CNTN5: variants seen among roughly 807,000 people sequenced by gnomAD.
CNTN5 encodes the protein contactin 5, also known as contactin-5.
Under a neutral mutation model 129.1 loss-of-function variants are expected in CNTN5, and 77 were observed. The observed-to-expected ratio is 0.60, with a 90% CI of 0.50 to 0.72. CNTN5 has a LOEUF of 0.72. Ranked by LOEUF, CNTN5 falls within the 30% of genes least tolerant of loss-of-function variation. CNTN5 has a pLI of 0.00. For synonymous variants in CNTN5, 509 were observed against 465.6 expected (o/e 1.09, Z -1.20); for missense variants, 1,478 against 1,328.8 (o/e 1.11, Z -1.75).
chr11:99,170,706 A>G (rs1188812578), intron 1 of CNTN5, among the ~76,000 whole-genome samples: 2 of 152,200 alleles, frequency 1.3e-5, no homozygotes, highest in African/African-American at 2.4e-5. Flanking sequence ...GTGATTAAGT[A>G]AGGCTGAGGA....
chr11:100,051,617 G>T (rs544681547), intron 9 of CNTN5, among the ~76,000 whole-genome samples: 2 of 151,958 alleles, frequency 1.3e-5, no homozygotes, highest in South Asian at 4.1e-4. Context: ...GAAAGATTAA[G>T]TAGTAGATAT....
chr11:99,788,189 C>T (rs1188873562), intron 3 of CNTN5, among the ~76,000 whole-genome samples: 2 of 151,802 alleles, frequency 1.3e-5, no homozygotes, highest in South Asian at 2.1e-4. Flanking sequence ...GTGATGTTAC[C>T]TATTTTTAGT....
rs549716256 is a variant in CNTN5 at position 99,178,954 on chromosome 11, A to T, written c.-209-146392A>T. On this transcript the variant is annotated intron_variant, in intron 1 of 24. Transcript: ENST00000524871. ...TGATGTTATTTAAATAGAAACAACT[A>T]TGGGGACAGGGTTATAAACATAAAT... Among the ~76,000 whole-genome samples the T allele has an allele frequency of 4.6e-5, 7 of 152,270 alleles. 1 individual carries two copies. In the South Asian group the frequency reaches 1.4e-3, roughly 32 times the overall value.
At chr11:99,141,024 A>G (rs1412336518) in intron 1 of CNTN5, among the ~76,000 whole-genome samples, 1 of 152,052 alleles carries the variant, frequency 6.6e-6, no homozygotes, top group African/African-American at 2.4e-5. Context: ...TGAATTAGGG[A>G]GGAGTCCATC....
chr11:99,271,951 C>A (rs555018849), intron 1 of CNTN5, among the ~76,000 whole-genome samples: 3 of 151,966 alleles, frequency 2.0e-5, no homozygotes, highest in Admixed American at 6.6e-5. Flanking sequence ...AAGAAATGCA[C>A]CACAATCAAA....
intron 3 of CNTN5, among the ~76,000 whole-genome samples, chr11:99,717,876 G>T (rs1210553008): frequency 6.6e-6 from 1 of 152,048 alleles, no homozygotes; most frequent in Non-Finnish European, 1.5e-5. Context: ...ATTATTCAAA[G>T]AAGATTATAG....
intron 1 of CNTN5, among the ~76,000 whole-genome samples, chr11:99,178,985 CAG>C (rs1857915647): frequency 6.6e-6 from 1 of 151,996 alleles, no homozygotes; most frequent in African/African-American, 2.4e-5. Flanking sequence ...TAAATACACA[CAG>C]AGATATACAC....
At chr11:100,138,105 A>G (rs1158175147) in intron 13 of CNTN5, among the ~76,000 whole-genome samples, 1 of 152,130 alleles carries the variant, frequency 6.6e-6, no homozygotes, top group Non-Finnish European at 1.5e-5. Context: ...TTAGGGTGCC[A>G]CTCATTAAGA....
intron 9 of CNTN5, among the ~76,000 whole-genome samples, chr11:100,022,298 AC>A (rs1009642505): frequency 6.6e-6 from 1 of 152,182 alleles, no homozygotes; most frequent in Non-Finnish European, 1.5e-5. Flanking sequence ...GTTGGGTCTT[AC>A]TTTTTAAACC....
chr11:100,259,718 G>A (rs1181959986), intron 17 of CNTN5, among the ~76,000 whole-genome samples: 1 of 151,820 alleles, frequency 6.6e-6, no homozygotes, highest in Non-Finnish European at 1.5e-5. Context: ...TGAAATTAAG[G>A]CAGAAATAAA....
chr11:100,267,253 C>CCACACACA (rs113458728), intron 17 of CNTN5, among the ~76,000 whole-genome samples: 2,670 of 143,780 alleles, frequency 0.019, 39 homozygotes, highest in African/African-American at 0.036. Flanking sequence ...CATGAATCAA[C>CCACACACA]CACACACACA....
chr11:100,195,204 C>T (rs578141311), intron 15 of CNTN5, among the ~76,000 whole-genome samples: 8 of 152,018 alleles, frequency 5.3e-5, no homozygotes, highest in Non-Finnish European at 1.2e-4. Context: ...AAAATATCTT[C>T]TTAGGATTGT....
chr11:99,729,338 G>A (rs1943452096), intron 3 of CNTN5, among the ~76,000 whole-genome samples: 1 of 151,906 alleles, frequency 6.6e-6, no homozygotes, highest in African/African-American at 2.4e-5. Context: ...CACATGTTAA[G>A]GTTTGTTATA....
intron 3 of CNTN5, among the ~76,000 whole-genome samples, chr11:99,705,811 A>G (rs1954730805): frequency 6.6e-6 from 1 of 151,386 alleles, no homozygotes; most frequent in African/African-American, 2.4e-5. Context: ...TGGAGCTGGT[A>G]CTGTGCTAGA....
At chr11:99,971,716 A>C (rs1350402362) in intron 8 of CNTN5, among the ~76,000 whole-genome samples, 2 of 151,990 alleles carry the variant, frequency 1.3e-5, no homozygotes, top group East Asian at 3.8e-4. Flanking sequence ...AAATTATATA[A>C]ATCGAAATTA....
In CNTN5 at chr11:100,356,041, C is replaced by T. The variant is rs541092768; in HGVS notation, c.3200-76C>T. 23 of 907,260 alleles carry T rather than the reference C, an allele frequency of 2.5e-5. No homozygotes were observed. In the East Asian group the frequency reaches 3.9e-4, roughly 15 times the overall value. 56.2% of individuals were successfully genotyped at this position (907,260 alleles called of 1,614,324 possible). ...AGCGATCTTGCACTCATTAGTCTTA[C>T]ATACTAAAAACAATTCTGTCCTAGC... On this transcript the variant is annotated intron_variant, in intron 24 of 24. Coordinates refer to ENST00000524871, the MANE Select transcript of CNTN5 (RefSeq NM_014361.4).
At chr11:99,942,089 A>G (rs1394031409) in intron 7 of CNTN5, among the ~76,000 whole-genome samples, 4 of 152,122 alleles carry the variant, frequency 2.6e-5, no homozygotes, top group Non-Finnish European at 5.9e-5. Context: ...AATTTGGGGC[A>G]ACTCAAGATA....
intron 7 of CNTN5, among the ~76,000 whole-genome samples, chr11:99,930,553 A>G (rs1420130186): frequency 1.3e-5 from 2 of 152,130 alleles, no homozygotes; most frequent in Non-Finnish European, 1.5e-5. Flanking sequence ...TTGGGGCCCT[A>G]TTCTGCCCTG....
chr11:99,563,355 A>C (rs1313881346), intron 3 of CNTN5, among the ~76,000 whole-genome samples: 1 of 152,198 alleles, frequency 6.6e-6, no homozygotes, highest in East Asian at 1.9e-4. Context: ...TAAACCTAGG[A>C]AAAGGAGAAA....
Sources: allele counts gnomAD v4.1 joint callset (sites outside exome capture counted in the v4.1 genomes callset), GRCh38; gene constraint gnomAD v4.1.1; transcripts MANE v1.5; gene names NCBI Gene and HGNC (gene_info 2026-07-23, HGNC 2026-07-21).